Variants in LMO7 observed in about 807,000 individuals in gnomAD.
LMO7 encodes the protein LIM domain 7, also known as LIM domain only protein 7.
Under a neutral mutation model 206.5 loss-of-function variants are expected in LMO7, and 120 were observed. The observed-to-expected ratio is 0.58, with a 90% confidence interval of 0.50 to 0.68. The LOEUF (loss-of-function observed/expected upper bound fraction) is 0.68, where lower values mean the gene tolerates loss of function less well. LMO7 is among the 30% of genes least tolerant of loss of function. The probability of loss-of-function intolerance (pLI) is 0.00; values close to 1 mark genes in which losing one functional copy is unlikely to be tolerated. For missense variants in LMO7, 1,959 were observed against 1,957.9 expected, an observed-to-expected ratio of 1.00 and a Z score of -0.01; for synonymous variants, 706 against 681.5, an observed-to-expected ratio of 1.04 and a Z score of -0.56.
intron 4 of LMO7, among the ~76,000 whole-genome samples, chr13:75,783,382 G>T (rs2051859265): frequency 6.6e-6 from 1 of 152,124 alleles, no homozygotes; most frequent in Non-Finnish European, 1.5e-5. Context: ...GCATGCAGTG[G>T]TGCGATTTTG....
At chr13:75,842,196 TCCAGCATC>T (rs2059606938) in intron 24 of LMO7, among the ~76,000 whole-genome samples, 1 of 152,134 alleles carries the variant, frequency 6.6e-6, no homozygotes, top group African/African-American at 2.4e-5. Flanking sequence ...CAGAACCCCA[TCCAGCATC>T]CTTGCCAAGG....
At chr13:75,623,218 A>AT (rs1014156738) in intron 1 of LMO7, 57 of 881,304 alleles carry the variant, frequency 6.5e-5, no homozygotes, top group South Asian at 1.0e-4. Context: ...ATTACTTTTC[A>AT]TTTTTTTTCT....
At chr13:75,760,571 C>G (rs540171994) in intron 3 of LMO7, 4 of 1,340,630 alleles carry the variant, frequency 3.0e-6, no homozygotes, top group Non-Finnish European at 3.8e-6. Context: ...TGAGGCTTGC[C>G]GTGCAAAGCT....
At chr13:75,673,559 T>C (rs758005561) in intron 1 of LMO7, among the ~76,000 whole-genome samples, 2 of 152,284 alleles carry the variant, frequency 1.3e-5, no homozygotes, top group East Asian at 3.9e-4. Flanking sequence ...AAGGCCATTA[T>C]ACTGAGGATG....
At chr13:75,708,615 T>G (rs2042831862) in intron 1 of LMO7, among the ~76,000 whole-genome samples, 1 of 152,078 alleles carries the variant, frequency 6.6e-6, no homozygotes, top group East Asian at 1.9e-4. Flanking sequence ...TTACAACGTT[T>G]TCTATAGTTG....
intron 6 of LMO7, 148 bp from the exon 7 acceptor site, chr13:75,800,536 T>C: frequency 1.5e-6 from 1 of 665,974 alleles, no homozygotes; most frequent in Non-Finnish European, 2.6e-6. Flanking sequence ...TTTCATCAGC[T>C]TTTTGCTGTG....
chr13:75,662,458 A>G (rs1006859966), intron 1 of LMO7, among the ~76,000 whole-genome samples: 1 of 152,130 alleles, frequency 6.6e-6, no homozygotes, highest in African/African-American at 2.4e-5. Flanking sequence ...AGCTGTGGCT[A>G]CAGGCGTGTG....
At chr13:75,679,842 AAGT>A (rs1455983648) in intron 1 of LMO7, among the ~76,000 whole-genome samples, 1 of 152,128 alleles carries the variant, frequency 6.6e-6, no homozygotes, top group Non-Finnish European at 1.5e-5. Flanking sequence ...TGGCCTCTCA[AAGT>A]GCTGGGATTA....
intron 4 of LMO7, among the ~76,000 whole-genome samples, chr13:75,785,213 A>T (rs748903543): frequency 6.6e-6 from 1 of 152,190 alleles, no homozygotes; most frequent in Non-Finnish European, 1.5e-5. Flanking sequence ...TGGGATTAAG[A>T]AAGAAGTAAT....
At chr13:75,820,639 A>G (rs2057474972) in intron 13 of LMO7, among the ~76,000 whole-genome samples, 1 of 152,228 alleles carries the variant, frequency 6.6e-6, no homozygotes, top group African/African-American at 2.4e-5. Context: ...GAAGTATTTG[A>G]GAACCATTTT....
chr13:75,700,587 C>T (rs1330371832), intron 1 of LMO7, among the ~76,000 whole-genome samples: 1 of 152,230 alleles, frequency 6.6e-6, no homozygotes, highest in Non-Finnish European at 1.5e-5. Flanking sequence ...TTGATAGCTT[C>T]TCTTTGGCAT....
At chr13:75,840,525 AC>A in intron 22 of LMO7, 30 bp downstream of exon 22, 1 of 1,608,026 alleles carries the variant, frequency 6.2e-7, no homozygotes, top group Non-Finnish European at 8.5e-7. Flanking sequence ...ACGGGTAGAA[AC>A]TAGGTTGGAT....
chr13:75,787,786 A>T (rs1235119796), intron 4 of LMO7, among the ~76,000 whole-genome samples: 1 of 152,148 alleles, frequency 6.6e-6, no homozygotes, highest in Non-Finnish European at 1.5e-5. Flanking sequence ...ATGCAGCTTC[A>T]TTTTTAGGAA....
At chr13:75,640,924 C>T (rs2036472916) in intron 1 of LMO7, among the ~76,000 whole-genome samples, 1 of 152,188 alleles carries the variant, frequency 6.6e-6, no homozygotes, top group Admixed American at 6.5e-5. Flanking sequence ...CTTCCCGAGT[C>T]ACCTTACTCT....
rs143415677 is a variant in LMO7 at position 75,842,765 on chromosome 13, G to T, written c.4032-86G>T. The T allele has an allele frequency of 1.8e-4, 143 of 793,478 alleles. No individual in the cohort carries two copies. The East Asian group carries it at 3.5e-3, about 19-fold the overall frequency. The allele number at this position is 793,478 out of a possible 1,614,324, so 49.2% of individuals were successfully genotyped here. ...ACCATTTGCATAAAGAGGCTAGAATGACATTATTTTGATACCCTTTTCTTA... is the reference window on the plus strand; with the variant it reads ...ACCATTTGCATAAAGAGGCTAGAATTACATTATTTTGATACCCTTTTCTTA... On this transcript the variant is annotated intron_variant, in intron 24 of 30. Transcript: ENST00000377534.
chr13:75,808,479 C>G (rs1189567806), intron 10 of LMO7, among the ~76,000 whole-genome samples: 1 of 152,078 alleles, frequency 6.6e-6, no homozygotes, highest in Non-Finnish European at 1.5e-5. Context: ...TACTATCCAC[C>G]AATATGAAGT....
chr13:75,641,298 G>C (rs1015954867), intron 1 of LMO7, among the ~76,000 whole-genome samples: 1 of 152,198 alleles, frequency 6.6e-6, no homozygotes, highest in East Asian at 1.9e-4. Context: ...TTTTTAACTT[G>C]TCGTGTGTGA....
At chr13:75,855,046 G>A (rs75317089) in intron 28 of LMO7, 78 of 483,464 alleles carry the variant, frequency 1.6e-4, no homozygotes, top group African/African-American at 1.3e-3. Flanking sequence ...ATGTGAATAG[G>A]TGTCAAGGGT....
chr13:75,850,554 C>T (rs1332460251), intron 27 of LMO7, among the ~76,000 whole-genome samples: 1 of 152,148 alleles, frequency 6.6e-6, no homozygotes, highest in Non-Finnish European at 1.5e-5. Flanking sequence ...TCAGACAGAA[C>T]ACTATATGAC....
Sources: allele counts gnomAD v4.1 joint callset (sites outside exome capture counted in the v4.1 genomes callset), GRCh38; gene constraint gnomAD v4.1.1; transcripts MANE v1.5; gene names NCBI Gene and HGNC (gene_info 2026-07-23, HGNC 2026-07-21).